Variants in KATNA1 observed in about 807,000 individuals in gnomAD.
The protein encoded by KATNA1 is katanin p60 ATPase-containing subunit A1.
In KATNA1, 42 loss-of-function variants were observed where a neutral mutation model predicts 62.6. That is an observed-to-expected ratio of 0.67 (90% confidence interval 0.52 to 0.87). The LOEUF is 0.87. Among genes scored for constraint, KATNA1 ranks in the 40% least tolerant of loss-of-function variants. The pLI, the probability that KATNA1 is intolerant of heterozygous loss-of-function variation, is 0.00. For missense variants in KATNA1, 498 were observed against 612.5 expected (o/e 0.81, Z 1.97); for synonymous variants, 186 against 201.9 (o/e 0.92, Z 0.67).
At chr6:149,602,951 C>T (rs1374024461) in intron 6 of KATNA1, among the ~76,000 whole-genome samples, 1 of 151,976 alleles carries the variant, frequency 6.6e-6, no homozygotes, top group African/African-American at 2.4e-5. Flanking sequence ...GAACTCCTGA[C>T]CTCAGGTGAT....
chr6:149,637,239 C>G (rs1219073271), intron 2 of KATNA1, among the ~76,000 whole-genome samples: 1 of 151,458 alleles, frequency 6.6e-6, no homozygotes, highest in Non-Finnish European at 1.5e-5. Flanking sequence ...TAGGGAGATC[C>G]CATCTCTACC....
chr6:149,611,185 G>T (rs867757773), intron 4 of KATNA1, among the ~76,000 whole-genome samples: 1 of 152,290 alleles, frequency 6.6e-6, no homozygotes, highest in South Asian at 2.1e-4. Flanking sequence ...AATAGGCCAG[G>T]TGCAGTGGCT....
At chr6:149,600,908 T>C (rs1391819375) in intron 7 of KATNA1, among the ~76,000 whole-genome samples, 1 of 151,998 alleles carries the variant, frequency 6.6e-6, no homozygotes, top group Non-Finnish European at 1.5e-5. Flanking sequence ...TGCTCCTGCA[T>C]ACCAGCCTAG....
chr6:149,603,514 C>T (rs1582756643), intron 5 of KATNA1, 141 bp from the exon 6 acceptor site: 1 of 517,690 alleles, frequency 1.9e-6, no homozygotes, highest in South Asian at 2.8e-5. Context: ...AACTAATGCA[C>T]TGTGATGAGG....
At chr6:149,640,553 G>C (rs2114631902) in intron 1 of KATNA1, among the ~76,000 whole-genome samples, 1 of 151,856 alleles carries the variant, frequency 6.6e-6, no homozygotes, top group East Asian at 1.9e-4. Flanking sequence ...TTTGGGTTTT[G>C]TTTTTGTTTT....
intron 9 of KATNA1, 157 bp downstream of exon 9, chr6:149,597,350 C>T (rs1778365142): frequency 8.8e-7 from 1 of 1,130,156 alleles, no homozygotes; most frequent in Admixed American, 2.6e-5. Context: ...TAATTCCTTA[C>T]TATTTAGTAT....
At chr6:149,603,451 C>T (rs1030627273) in intron 5 of KATNA1, 78 bp from the exon 6 acceptor site, 9 of 664,976 alleles carry the variant, frequency 1.4e-5, no homozygotes, top group Admixed American at 1.1e-4. Flanking sequence ...CCACTGGAAG[C>T]ACATGATGTT....
Position 149,597,635 on chromosome 6 carries a change from C to G in KATNA1, c.1022G>C (p.Gly341Ala), listed in dbSNP as rs749132055. The G allele has an allele frequency of 1.9e-6, 3 of 1,613,514 alleles. No homozygotes were observed. The change falls in exon 9 of 11, where the codon GGA becomes GCA. Residue 341 changes from glycine to alanine, a missense_variant. Coordinates refer to ENST00000367411, the MANE Select transcript of KATNA1 (RefSeq NM_007044.4). ...AGGGTCATCATTTTCAGAAGTACCT[C>G]CAACACCTAAAATAAGGGTAAGGGG... ...AELLVQMDGV[G>A]GTSENDDPSK...
chr6:149,625,153 G>T (rs191663731), intron 3 of KATNA1, among the ~76,000 whole-genome samples: 1 of 152,270 alleles, frequency 6.6e-6, no homozygotes. Flanking sequence ...TTAGCTTTTA[G>T]CTAACTGCCA....
chr6:149,601,791 G>A, intron 6 of KATNA1, 39 bp from the exon 7 acceptor site: 12 of 1,453,584 alleles, frequency 8.3e-6, no homozygotes, highest in Middle Eastern at 1.8e-4. Context: ...GGATTTATCT[G>A]CCATTGTTCT....
At chr6:149,647,274 A>G (rs2114649993) in intron 1 of KATNA1, among the ~76,000 whole-genome samples, 1 of 152,126 alleles carries the variant, frequency 6.6e-6, no homozygotes, top group East Asian at 1.9e-4. Context: ...CTGTAATCCC[A>G]ACACTTTGGG....
At chr6:149,647,996 G>C (rs1037331399) in intron 1 of KATNA1, among the ~76,000 whole-genome samples, 14 of 152,168 alleles carry the variant, frequency 9.2e-5, no homozygotes, top group African/African-American at 3.4e-4. Flanking sequence ...AAGGCCCACA[G>C]GCCTTCCAGA....
At chr6:149,628,355 C>T (rs1458187988) in intron 3 of KATNA1, among the ~76,000 whole-genome samples, 4 of 151,196 alleles carry the variant, frequency 2.6e-5, no homozygotes, top group South Asian at 2.1e-4. Flanking sequence ...GGCATCCGCC[C>T]GCCTCGACCT....
chr6:149,615,132 C>CAA (rs893824279), intron 4 of KATNA1, among the ~76,000 whole-genome samples: 730 of 44,174 alleles, frequency 0.017, 16 homozygotes, highest in East Asian at 0.043. Flanking sequence ...GACTCTGTCT[C>CAA]AAAAAAAAAA....
intron 3 of KATNA1, among the ~76,000 whole-genome samples, chr6:149,623,631 G>T (rs535369393): frequency 6.6e-6 from 1 of 152,056 alleles, no homozygotes; most frequent in Non-Finnish European, 1.5e-5. Context: ...CCAGCCACTC[G>T]GGAGGCTGAA....
chr6:149,606,616 CTTTT>C (rs900353338), intron 4 of KATNA1, among the ~76,000 whole-genome samples: 7 of 136,422 alleles, frequency 5.1e-5, no homozygotes, highest in African/African-American at 1.6e-4. Flanking sequence ...AACTGTGTAA[CTTTT>C]TTTTTTTTTT....
intron 8 of KATNA1, 128 bp downstream of exon 8, chr6:149,598,096 C>T: frequency 1.0e-6 from 1 of 981,772 alleles, no homozygotes; most frequent in Non-Finnish European, 1.5e-6. Flanking sequence ...CCCTCTAGTC[C>T]ATCTGAAGTT....
At chr6:149,643,840 T>C (rs1451480531) in intron 1 of KATNA1, among the ~76,000 whole-genome samples, 2 of 151,386 alleles carry the variant, frequency 1.3e-5, no homozygotes, top group African/African-American at 2.4e-5. Flanking sequence ...AGCTAATATA[T>C]ATATATATTT....
rs370232233 is a variant in KATNA1, at chr6:149,597,492, T to C, written c.1150+15A>G. On this transcript the variant is annotated intron_variant, in intron 9 of 10. Transcript: ENST00000367411. ...AAAGTTAACAGGCTTTCTGACAAGA[T>C]TGAAAGGAAGATACCTGACGGCAAA... 52 of 1,610,914 alleles carry C rather than the reference T, an allele frequency of 3.2e-5. No homozygotes were observed. The highest frequency in any genetic ancestry group is 1.7e-4 in the Middle Eastern group (1 of 6,048).
Sources: allele counts gnomAD v4.1 joint callset (sites outside exome capture counted in the v4.1 genomes callset), GRCh38; gene constraint gnomAD v4.1.1; transcripts MANE v1.5; gene names NCBI Gene and HGNC (gene_info 2026-07-23, HGNC 2026-07-21).